Variants in ANKRD1 observed in about 807,000 individuals in gnomAD.
ANKRD1 encodes the protein ankyrin repeat domain 1, also known as ankyrin repeat domain-containing protein 1.
In ANKRD1, 32 loss-of-function variants were observed where a neutral mutation model predicts 40.1. The ratio of observed to expected loss-of-function variants is 0.80; its 90% CI spans 0.60 to 1.07. The LOEUF is 1.07. ANKRD1 is among the 50% of genes least tolerant of loss of function. The pLI is 0.00. For missense variants in ANKRD1, 359 were observed against 386.0 expected, an observed-to-expected ratio of 0.93 and a Z score of 0.59; for synonymous variants, 149 against 141.2, an observed-to-expected ratio of 1.06 and a Z score of -0.39.
chr10:90,913,910 A>G (rs1290133818), intron 8 of ANKRD1, among the ~76,000 whole-genome samples: 1 of 152,170 alleles, frequency 6.6e-6, no homozygotes, highest in Non-Finnish European at 1.5e-5. Flanking sequence ...AGCAACATAG[A>G]CTGGGTTGGG....
At chr10:90,919,087 A>G (rs751139374) in intron 3 of ANKRD1, 44 bp downstream of exon 3, 1 of 1,610,856 alleles carries the variant, frequency 6.2e-7, no homozygotes, top group Non-Finnish European at 8.5e-7. Flanking sequence ...CCTGTAGCAC[A>G]ACACTGGACA....
intron 1 of ANKRD1, 109 bp from the exon 2 acceptor site, chr10:90,920,457 C>T (rs1055294752): frequency 1.6e-6 from 2 of 1,230,836 alleles, no homozygotes; most frequent in African/African-American, 1.5e-5. Flanking sequence ...GGAACAGCCA[C>T]CTTTGAGCAG....
intron 1 of ANKRD1, 73 bp downstream of exon 1, chr10:90,920,928 G>C (rs1847430528): frequency 2.1e-6 from 3 of 1,424,402 alleles, no homozygotes; most frequent in Non-Finnish European, 3.0e-6. Flanking sequence ...TGAAAGCAAA[G>C]GGCATTTCAA....
chr10:90,914,060 T>C (rs1467284764), intron 8 of ANKRD1, among the ~76,000 whole-genome samples: 2 of 152,208 alleles, frequency 1.3e-5, no homozygotes, highest in African/African-American at 4.8e-5. Context: ...AGTGGCCCTA[T>C]AACCTTCATT....
In ANKRD1 at chr10:90,920,190, G is replaced by A. The variant is rs766962252; in HGVS notation, c.186C>T (p.Ser62=). ...PVTLGEQQWK[S]EKQREAELKK... Reference sequence around the variant, plus strand: ...TCACCTCTGCCTCTCGTTGTTTCTCGCTTTTCCACTGTTGCTCCCCCAGGG... The same window carrying A: ...TCACCTCTGCCTCTCGTTGTTTCTCACTTTTCCACTGTTGCTCCCCCAGGG... The change falls in exon 2 of 9, where the codon AGC becomes AGT. Residue 62 remains serine, a synonymous_variant. Coordinates refer to ENST00000371697, the MANE Select transcript of ANKRD1 (RefSeq NM_014391.3). 9.3e-6 allele frequency: 15 copies of A among 1,613,690 alleles called. No homozygotes were observed. The highest frequency in any genetic ancestry group is 7.7e-5 in the South Asian group (7 of 91,046).
chr10:90,916,134 A>AG, intron 6 of ANKRD1, 37 bp downstream of exon 6: 3 of 936,784 alleles, frequency 3.2e-6, no homozygotes, highest in Non-Finnish European at 4.2e-6. Context: ...AGGGAGGGGG[A>AG]GGGGGTGAAT....
At chr10:90,913,888 A>G (rs989441629) in intron 8 of ANKRD1, among the ~76,000 whole-genome samples, 1 of 152,328 alleles carries the variant, frequency 6.6e-6, no homozygotes, top group East Asian at 1.9e-4. Flanking sequence ...CATGGTACCC[A>G]TGGTTCCACA....
chr10:90,912,254 A>G lies in ANKRD1; in HGVS notation c.*612T>C, dbSNP rs1175088385. On this transcript the variant is annotated 3_prime_UTR_variant, in exon 9 of 9. Transcript: ENST00000371697. ...CTTCCACTGATTTGCACTTACACTCATGACGTTCTCTTCACTTGGGTACTC... is the reference window on the plus strand; with the variant it reads ...CTTCCACTGATTTGCACTTACACTCGTGACGTTCTCTTCACTTGGGTACTC... 2 of 136,562 alleles carry G rather than the reference A, an allele frequency of 1.5e-5. No individual in the cohort carries two copies. Among genetic ancestry groups the G allele is most frequent in the African/African-American group, 2.7e-5 (1 of 36,704 alleles). The allele number at this position is 136,562 out of a possible 1,614,324, so 8.5% of individuals were successfully genotyped here. A position where few individuals can be genotyped will look rare whatever the true frequency, so the allele number is the denominator to read the frequency against.
intron 8 of ANKRD1, 84 bp downstream of exon 8, chr10:90,915,459 T>C (rs1297855511): frequency 8.4e-7 from 1 of 1,196,604 alleles, no homozygotes; most frequent in Non-Finnish European, 1.2e-6. Context: ...AATACTGCCA[T>C]TGTGGGAGTC....
chr10:90,912,700 G>A lies in ANKRD1; in HGVS notation c.*166C>T, dbSNP rs375134837. On this transcript the variant is annotated 3_prime_UTR_variant, in exon 9 of 9. Transcript: ENST00000371697. Reference sequence around the variant, plus strand: ...AAAAATAAATAAGAGTTTCACTAAAGGAAATTTAAACACCTATAACCCTGT... The same window carrying A: ...AAAAATAAATAAGAGTTTCACTAAAAGAAATTTAAACACCTATAACCCTGT... 3.1e-4 allele frequency: 201 copies of A among 656,600 alleles called. 3 individuals carry two copies. The South Asian group carries it at 3.2e-3, about 11-fold the overall frequency. The allele number at this position is 656,600 out of a possible 1,614,324, so 40.7% of individuals were successfully genotyped here.
chr10:90,918,786 A>G (rs763744006), intron 4 of ANKRD1, 79 bp downstream of exon 4: 298 of 1,188,280 alleles, frequency 2.5e-4, no homozygotes, highest in Middle Eastern at 3.9e-4. Context: ...CTTTGGCACT[A>G]TATTAGCAAG....
rs1231024839 is a variant in ANKRD1, at chr10:90,919,348, A to G, written c.208-80T>C. On this transcript the variant is annotated intron_variant, in intron 2 of 8. Transcript: ENST00000371697. The stretch of plus-strand genomic sequence containing the variant: ...TGGTTGTGTCTAAACTAAATCTGCA[A>G]GGTCTGAGATAAACATGTGAACAGT... 3.9e-6 allele frequency: 5 copies of G among 1,293,882 alleles called. No individual in the cohort carries two copies. In the African/African-American group the frequency reaches 4.5e-5, roughly 12 times the overall value. 80.2% of individuals were successfully genotyped at this position (1,293,882 alleles called of 1,614,324 possible).
Position 90,912,809 on chromosome 10 carries a change from G to T in ANKRD1, c.*57C>A. The T allele has an allele frequency of 1.4e-6, 2 of 1,460,782 alleles. No individual in the cohort carries two copies. Among genetic ancestry groups the T allele is most frequent in the Non-Finnish European group, 1.9e-6 (2 of 1,040,578 alleles). The allele number at this position is 1,460,782 out of a possible 1,614,324, so 90.5% of individuals were successfully genotyped here. A position where few individuals can be genotyped will look rare whatever the true frequency, so the allele number is the denominator to read the frequency against. ...TTTTATGGCTAGTGTCTCTTCTCTT[G>T]GGCCATGCCTTCAAAATGCCAGTGA... On this transcript the variant is annotated 3_prime_UTR_variant, in exon 9 of 9. Transcript: ENST00000371697.
intron 6 of ANKRD1, 68 bp downstream of exon 6, chr10:90,916,103 A>C (rs1589509012): frequency 1.4e-6 from 1 of 736,038 alleles, no homozygotes; most frequent in Non-Finnish European, 2.0e-6. Flanking sequence ...AGAGTGGGAG[A>C]AGTGGAGAAG....
intron 2 of ANKRD1, among the ~76,000 whole-genome samples, chr10:90,919,776 A>T (rs1343353177): frequency 6.6e-6 from 1 of 152,216 alleles, no homozygotes; most frequent in African/African-American, 2.4e-5. Flanking sequence ...ATTAAGGAAA[A>T]TTCACCCAGA....
In ANKRD1 at chr10:90,912,495, A is replaced by C. The variant is rs531523887; in HGVS notation, c.*371T>G. The C allele has an allele frequency of 4.4e-4, 113 of 258,870 alleles. 2 individuals are homozygous for C. The South Asian group carries it at 5.2e-3, about 12-fold the overall frequency. 16.0% of individuals were successfully genotyped at this position (258,870 alleles called of 1,614,324 possible). ...TCAGCCCTCTCTTAAAAACTCTTAC[A>C]TGAGCGAATGACACATAAGTAGGCA... is the stretch of plus-strand genomic sequence containing the variant. On this transcript the variant is annotated 3_prime_UTR_variant, in exon 9 of 9. Transcript: ENST00000371697.
intron 8 of ANKRD1, among the ~76,000 whole-genome samples, chr10:90,914,515 AT>A (rs1433928660): frequency 1.3e-5 from 2 of 152,182 alleles, no homozygotes; most frequent in East Asian, 1.9e-4. Context: ...GTTTAAAAAA[AT>A]ATTAGATAGG....
At chr10:90,914,613 C>G (rs1847349968) in intron 8 of ANKRD1, among the ~76,000 whole-genome samples, 1 of 152,058 alleles carries the variant, frequency 6.6e-6, no homozygotes, top group Non-Finnish European at 1.5e-5. Context: ...TTCTTTGATC[C>G]TGTCACCAAG....
At chr10:90,920,109 A>G in intron 2 of ANKRD1, 60 bp downstream of exon 2, 1 of 1,605,980 alleles carries the variant, frequency 6.2e-7, no homozygotes, top group Non-Finnish European at 8.5e-7. Flanking sequence ...CTTCCCTGAC[A>G]TTTCCATTCC....
Sources: gnomAD v4.1 joint callset for allele counts (sites outside exome capture counted in the v4.1 genomes callset) on GRCh38, gnomAD v4.1.1 for gene constraint, MANE v1.5 for transcripts, NCBI Gene and HGNC (gene_info 2026-07-23, HGNC 2026-07-21) for gene names.